The following KCNH8 variants were observed in gnomAD, a reference collection of about 807,000 sequenced individuals.
KCNH8 encodes potassium voltage-gated channel subfamily H member 8.
In KCNH8, 70 loss-of-function variants were observed where a neutral mutation model predicts 103.6. The ratio of observed to expected loss-of-function variants is 0.68; its 90% CI spans 0.56 to 0.82. The LOEUF (loss-of-function observed/expected upper bound fraction) is 0.82, where lower values mean the gene tolerates loss of function less well. KCNH8 is among the 40% of genes least tolerant of loss of function. KCNH8 has a pLI of 0.00. For missense variants in KCNH8, 1,217 were observed against 1,329.9 expected, an observed-to-expected ratio of 0.92 and a Z score of 1.32; for synonymous variants, 498 against 489.4, an observed-to-expected ratio of 1.02 and a Z score of -0.23.
chr3:19,209,562 A>G (rs1021634985), intron 1 of KCNH8, among the ~76,000 whole-genome samples: 1 of 152,098 alleles, frequency 6.6e-6, no homozygotes, highest in African/African-American at 2.4e-5. Flanking sequence ...AAAGCATTCA[A>G]ACCAGTCATG....
intron 1 of KCNH8, among the ~76,000 whole-genome samples, chr3:19,171,885 T>C (rs1432106708): frequency 1.3e-5 from 2 of 152,230 alleles, no homozygotes; most frequent in South Asian, 4.1e-4. Context: ...TTCTGCTTAC[T>C]TAATTGTCAA....
intron 11 of KCNH8, among the ~76,000 whole-genome samples, chr3:19,460,486 C>T (rs1168035036): frequency 6.6e-6 from 1 of 152,074 alleles, no homozygotes; most frequent in Admixed American, 6.6e-5. Context: ...TCCTCAAATC[C>T]CTTATGCTTT....
At chr3:19,533,234 AAAT>A (rs1027576579) in intron 15 of KCNH8, among the ~76,000 whole-genome samples, 158 bp from the exon 16 acceptor site, 4 of 152,044 alleles carry the variant, frequency 2.6e-5, no homozygotes, top group African/African-American at 9.7e-5. Context: ...AAGAAAAAAA[AAAT>A]TTCTTTTTCA....
At chr3:19,459,879 A>G (rs748483616) in intron 11 of KCNH8, among the ~76,000 whole-genome samples, 7 of 152,086 alleles carry the variant, frequency 4.6e-5, no homozygotes, top group Non-Finnish European at 8.8e-5. Context: ...AACATTAATT[A>G]TAGTAATTTA....
intron 8 of KCNH8, among the ~76,000 whole-genome samples, chr3:19,449,731 T>C (rs1438823908): frequency 2.0e-5 from 3 of 152,074 alleles, no homozygotes; most frequent in Non-Finnish European, 4.4e-5. Context: ...AAGACTATTT[T>C]ATTGTAACTA....
intron 3 of KCNH8, among the ~76,000 whole-genome samples, chr3:19,340,349 T>A (rs531237929): frequency 8.0e-6 from 1 of 125,582 alleles, no homozygotes; most frequent in East Asian, 2.0e-4. Flanking sequence ...TTTTTTATTT[T>A]TTTTTTAATT....
intron 5 of KCNH8, among the ~76,000 whole-genome samples, chr3:19,359,228 A>C (rs1480269546): frequency 1.3e-5 from 2 of 152,020 alleles, no homozygotes; most frequent in Admixed American, 1.3e-4. Flanking sequence ...GCAAGAATAT[A>C]AATAGCTGAG....
At chr3:19,263,661 T>G (rs923863913) in intron 2 of KCNH8, among the ~76,000 whole-genome samples, 1 of 152,064 alleles carries the variant, frequency 6.6e-6, no homozygotes, top group Non-Finnish European at 1.5e-5. Flanking sequence ...TTTTGTGAAC[T>G]CATCTAGGAG....
chr3:19,354,971 C>T (rs1365495700), intron 5 of KCNH8, among the ~76,000 whole-genome samples: 1 of 152,196 alleles, frequency 6.6e-6, no homozygotes, highest in African/African-American at 2.4e-5. Context: ...AAAGTTTTTA[C>T]AATCTGCCCA....
chr3:19,192,340 A>G (rs1174628111), intron 1 of KCNH8, among the ~76,000 whole-genome samples: 3 of 151,650 alleles, frequency 2.0e-5, no homozygotes, highest in African/African-American at 7.2e-5. Context: ...AAACATAGTA[A>G]TTACCAACCT....
At chr3:19,372,383 G>A (rs1014866836) in intron 5 of KCNH8, among the ~76,000 whole-genome samples, 1 of 149,608 alleles carries the variant, frequency 6.7e-6, no homozygotes, top group Admixed American at 6.7e-5. Flanking sequence ...AATTGTGAAT[G>A]GGAGTTCACT....
intron 15 of KCNH8, among the ~76,000 whole-genome samples, chr3:19,524,661 G>A (rs1452235305): frequency 6.6e-6 from 1 of 151,834 alleles, no homozygotes; most frequent in East Asian, 1.9e-4. Flanking sequence ...TGTAACTTTT[G>A]GAGACTGGTT....
rs116926693 is a variant in KCNH8 at position 19,262,946 on chromosome 3, A to G, written c.310+9059A>G. Among the ~76,000 whole-genome samples, 169 of 152,182 alleles carry G rather than the reference A, an allele frequency of 1.1e-3. No individual in the cohort carries two copies. In the East Asian group the frequency reaches 0.028, roughly 25 times the overall value. On this transcript the variant is annotated intron_variant, in intron 2 of 15. Coordinates refer to ENST00000328405, the MANE Select transcript of KCNH8 (RefSeq NM_144633.3). Reference sequence around the variant, plus strand: ...ATTGATTCAAACCAGAGTCCAAGCCAAGAGAAAGGCAATACAACAGCAAAT... The same window carrying G: ...ATTGATTCAAACCAGAGTCCAAGCCGAGAGAAAGGCAATACAACAGCAAAT...
chr3:19,433,101 GCTATA>G (rs1207278389), intron 7 of KCNH8, among the ~76,000 whole-genome samples: 1 of 152,076 alleles, frequency 6.6e-6, no homozygotes, highest in African/African-American at 2.4e-5. Context: ...TAAGTGAAAT[GCTATA>G]CTTTAGTAAT....
At chr3:19,423,766 A>G (rs2066986069) in intron 7 of KCNH8, among the ~76,000 whole-genome samples, 1 of 152,078 alleles carries the variant, frequency 6.6e-6, no homozygotes, top group Admixed American at 6.6e-5. Context: ...TCTTTTTCGT[A>G]TAATGACTTC....
At chr3:19,299,968 G>A (rs756930510) in intron 3 of KCNH8, among the ~76,000 whole-genome samples, 6 of 151,942 alleles carry the variant, frequency 3.9e-5, no homozygotes, top group East Asian at 3.9e-4. Context: ...GAAAATATGG[G>A]CCAGGCATGG....
rs749647938 is a variant in KCNH8 at position 19,456,973 on chromosome 3, T to A, written c.2031T>A (p.His677Gln). ...TCACATACAACCTCCGAGAAGGTCATGAGAGTGATGTAAGTCCCATTTCTA... is the reference window on the plus strand; with the variant it reads ...TCACATACAACCTCCGAGAAGGTCAAGAGAGTGATGTAAGTCCCATTTCTA... ...HDLTYNLREG[H>Q]ESDVISRLSN... The change falls in exon 11 of 16, where the codon CAT becomes CAA. Residue 677 changes from histidine to glutamine, a missense_variant. Physicochemically the swap from His to Gln is conservative, Grantham distance 24. Around this residue, in one of 3 missense-constraint regions of KCNH8, gnomAD observed 415 missense variants for 577.4 expected, o/e 0.72. Coordinates refer to ENST00000328405, the MANE Select transcript of KCNH8 (RefSeq NM_144633.3). 2 of 1,607,854 alleles carry A rather than the reference T, an allele frequency of 1.2e-6. No individual in the cohort carries two copies. Among genetic ancestry groups the A allele is most frequent in the South Asian group, 2.2e-5 (2 of 90,870 alleles).
intron 3 of KCNH8, among the ~76,000 whole-genome samples, chr3:19,295,751 T>A (rs994228305): frequency 6.6e-6 from 1 of 152,104 alleles, no homozygotes; most frequent in Non-Finnish European, 1.5e-5. Context: ...AGCTTTTCCC[T>A]TTTTTGCCTG....
At chr3:19,414,262 A>T (rs578105002) in intron 7 of KCNH8, among the ~76,000 whole-genome samples, 168 of 152,248 alleles carry the variant, frequency 1.1e-3, no homozygotes, top group Non-Finnish European at 2.9e-4. Context: ...GGGAAAGGAG[A>T]TACTCAAATG....
Sources: gnomAD v4.1 joint callset for allele counts (sites outside exome capture counted in the v4.1 genomes callset) on GRCh38, gnomAD v4.1.1 for gene constraint, gnomAD v4.1.1 regional missense constraint, MANE v1.5 for transcripts, NCBI Gene and HGNC (gene_info 2026-07-23, HGNC 2026-07-21) for gene names.